RABGAP1L: variants seen among roughly 807,000 people sequenced by gnomAD.
RABGAP1L encodes the protein RAB GTPase activating protein 1 like.
RABGAP1L carries 63 observed loss-of-function variants against 137.7 expected under a neutral mutation model. The ratio of observed to expected loss-of-function variants is 0.46; its 90% CI spans 0.37 to 0.56. RABGAP1L has a LOEUF of 0.56. Among genes scored for constraint, RABGAP1L ranks in the 20% least tolerant of loss-of-function variants. RABGAP1L has a pLI of 0.00. For missense variants in RABGAP1L, 1,095 were observed against 1,244.0 expected (o/e 0.88, Z 1.80); for synonymous variants, 431 against 433.7 (o/e 0.99, Z 0.08).
chr1:174,885,236 C>T (rs949185767), intron 19 of RABGAP1L, among the ~76,000 whole-genome samples: 3 of 151,808 alleles, frequency 2.0e-5, no homozygotes, highest in Admixed American at 6.6e-5. Flanking sequence ...GTTAGTAGTA[C>T]CTGTAAGATT....
At chr1:174,436,329 T>A (rs1653295663) in intron 13 of RABGAP1L, among the ~76,000 whole-genome samples, 2 of 152,318 alleles carry the variant, frequency 1.3e-5, no homozygotes, top group Admixed American at 1.3e-4. Flanking sequence ...GTTTCCTGAC[T>A]TTTTAATGAT....
chr1:174,641,756 T>A (rs961392634), intron 14 of RABGAP1L, among the ~76,000 whole-genome samples: 10 of 152,126 alleles, frequency 6.6e-5, no homozygotes, highest in African/African-American at 2.4e-4. Flanking sequence ...TGAGGGAAAT[T>A]TGTAAGGGTG....
intron 20 of RABGAP1L, 147 bp downstream of exon 20, chr1:174,957,696 C>T: frequency 1.1e-6 from 1 of 912,068 alleles, no homozygotes; most frequent in South Asian, 1.5e-5. Context: ...GGATTACAGG[C>T]ACGAGCCACC....
chr1:174,412,908 A>G (rs1650113812), intron 13 of RABGAP1L, among the ~76,000 whole-genome samples: 1 of 151,920 alleles, frequency 6.6e-6, no homozygotes, highest in Non-Finnish European at 1.5e-5. Context: ...TTTCTTTAGC[A>G]TTGAGCTTGG....
chr1:174,799,159 G>C (rs191817907), intron 18 of RABGAP1L, among the ~76,000 whole-genome samples: 2 of 152,124 alleles, frequency 1.3e-5, no homozygotes, highest in African/African-American at 4.8e-5. Flanking sequence ...CTCTTAATAC[G>C]TGTTAGGTTT....
At chr1:174,693,062 G>A (rs1678990082) in intron 15 of RABGAP1L, among the ~76,000 whole-genome samples, 1 of 152,178 alleles carries the variant, frequency 6.6e-6, no homozygotes, top group Admixed American at 6.5e-5. Context: ...TGAGAGGAAT[G>A]ATTGAATATA....
At position 174,448,855 on chromosome 1, in the gene RABGAP1L, G is replaced by A. The variant is rs1278658803; in HGVS notation, c.1710+54710G>A. ...GAAGAGCCCGATTCCCTAGTCATGAGGTAGATTCTTCCAGAGAGACTGGAC... is the reference window on the plus strand; with the variant it reads ...GAAGAGCCCGATTCCCTAGTCATGAAGTAGATTCTTCCAGAGAGACTGGAC... On this transcript the variant is annotated intron_variant, in intron 13 of 25. Transcript: ENST00000681986. This position sits in a 1 kb window ranked among gnomAD's most constrained non-coding sequence, Gnocchi z 4.2. 3 of 1,613,946 alleles carry A rather than the reference G, an allele frequency of 1.9e-6. No individual in the cohort carries two copies. Among genetic ancestry groups the A allele is most frequent in the East Asian group, 2.2e-5 (1 of 44,890 alleles).
At chr1:174,339,546 TATAAGTTAGTTG>T (rs1157281644) in intron 11 of RABGAP1L, among the ~76,000 whole-genome samples, 1 of 152,202 alleles carries the variant, frequency 6.6e-6, no homozygotes, top group Non-Finnish European at 1.5e-5. Context: ...TTATATTGCT[TATAAGTTAGTTG>T]AGGAAGGATT....
At chr1:174,565,724 A>G (rs1187264078) in intron 13 of RABGAP1L, among the ~76,000 whole-genome samples, 9 of 152,216 alleles carry the variant, frequency 5.9e-5, no homozygotes, top group Non-Finnish European at 8.8e-5. Context: ...TTTTAAATAA[A>G]TGCAAAATGC....
intron 18 of RABGAP1L, among the ~76,000 whole-genome samples, chr1:174,796,586 G>T (rs1688254526): frequency 6.6e-6 from 1 of 152,214 alleles, no homozygotes. Context: ...TTGAGGGGAA[G>T]CATGAAGGAA....
At chr1:174,547,819 A>G (rs1279090426) in intron 13 of RABGAP1L, 10 of 1,485,452 alleles carry the variant, frequency 6.7e-6, no homozygotes, top group Non-Finnish European at 9.2e-6. Context: ...AAATAATCAT[A>G]TTTATTTTGT....
intron 17 of RABGAP1L, among the ~76,000 whole-genome samples, chr1:174,749,188 A>G (rs911963418): frequency 2.0e-5 from 3 of 151,008 alleles, no homozygotes; most frequent in African/African-American, 7.4e-5. Context: ...AAAAAAAAAA[A>G]AGAAAAAAGA....
chr1:174,621,428 G>C (rs1441289705), intron 13 of RABGAP1L, among the ~76,000 whole-genome samples: 1 of 152,146 alleles, frequency 6.6e-6, no homozygotes, highest in Non-Finnish European at 1.5e-5. Flanking sequence ...AAAGCTGGAG[G>C]CATCAAGCTA....
chr1:174,921,809 CTAA>C (rs1365043935), intron 19 of RABGAP1L, among the ~76,000 whole-genome samples: 1 of 152,098 alleles, frequency 6.6e-6, no homozygotes, highest in Non-Finnish European at 1.5e-5. Flanking sequence ...TCTTGCCTCC[CTAA>C]TAATGAGCTT....
chr1:174,214,862 T>C (rs1669165364), intron 1 of RABGAP1L, among the ~76,000 whole-genome samples: 1 of 152,108 alleles, frequency 6.6e-6, no homozygotes, highest in African/African-American at 2.4e-5. Context: ...GACTCAAATA[T>C]AAGACCTCAA....
intron 13 of RABGAP1L, among the ~76,000 whole-genome samples, chr1:174,503,368 A>AT (rs1219385561): frequency 6.6e-6 from 1 of 152,208 alleles, no homozygotes; most frequent in Non-Finnish European, 1.5e-5. Flanking sequence ...TCATTTAGAA[A>AT]TATACATGTA....
At chr1:174,249,201 T>C (rs1285772532) in intron 5 of RABGAP1L, among the ~76,000 whole-genome samples, 1 of 152,152 alleles carries the variant, frequency 6.6e-6, no homozygotes, top group East Asian at 1.9e-4. Flanking sequence ...ATAGAATAGA[T>C]AAGAATAAGA....
At chr1:174,743,278 C>T (rs912036866) in intron 17 of RABGAP1L, among the ~76,000 whole-genome samples, 1 of 152,168 alleles carries the variant, frequency 6.6e-6, no homozygotes, top group Non-Finnish European at 1.5e-5. Context: ...ATCTCATTAT[C>T]TGGATATGGT....
chr1:174,651,209 A>G (rs1419868447), intron 14 of RABGAP1L, among the ~76,000 whole-genome samples: 1 of 151,510 alleles, frequency 6.6e-6, no homozygotes, highest in Non-Finnish European at 1.5e-5. Context: ...ACAGTTTGTT[A>G]TAATTTCTGT....
Sources: gnomAD v4.1 joint callset for allele counts (sites outside exome capture counted in the v4.1 genomes callset) on GRCh38, gnomAD v4.1.1 for gene constraint, Gnocchi (gnomAD v3.1) non-coding constraint, MANE v1.5 for transcripts, NCBI Gene and HGNC (gene_info 2026-07-23, HGNC 2026-07-21) for gene names.